The following HIVEP1 variants were observed in gnomAD, a reference collection of about 807,000 sequenced individuals.
HIVEP1 encodes the protein zinc finger protein 40.
HIVEP1 carries 36 observed loss-of-function variants against 180.0 expected under a neutral mutation model. That is an observed-to-expected ratio of 0.20 (90% CI 0.15 to 0.26). The LOEUF (loss-of-function observed/expected upper bound fraction) is 0.26. HIVEP1 is among the 10% of genes least tolerant of loss of function. HIVEP1 has a pLI of 1.00. For missense variants in HIVEP1, 3,143 were observed against 3,268.7 expected (o/e 0.96, Z 0.94); for synonymous variants, 1,239 against 1,239.0 (o/e 1.00, Z 0.00).
At chr6:12,200,231 A>C in the HIVEP1 span, among the ~76,000 whole-genome samples, 4 of 152,120 alleles carry the variant, frequency 2.6e-5, no homozygotes, top group South Asian at 2.1e-4. Context: ...AACACCTGGG[A>C]GTTACTTCCC....
intron 2 of HIVEP1, among the ~76,000 whole-genome samples, chr6:12,031,889 C>A (rs963714401): frequency 2.0e-5 from 3 of 152,100 alleles, no homozygotes; most frequent in Admixed American, 6.5e-5. Context: ...TCCTGTGGAC[C>A]GTGAATGTGG....
chr6:12,052,528 A>G (rs941022286), intron 2 of HIVEP1, among the ~76,000 whole-genome samples: 4 of 152,226 alleles, frequency 2.6e-5, no homozygotes, highest in Non-Finnish European at 5.9e-5. Flanking sequence ...GCTAACATAC[A>G]TTGAGTATCT....
the HIVEP1 span, among the ~76,000 whole-genome samples, chr6:12,184,014 T>TAGAC: frequency 3.2e-4 from 45 of 139,758 alleles, 1 homozygote; most frequent in South Asian, 8.7e-4. Context: ...GATAGATAGA[T>TAGAC]AGATAGATAG....
At chr6:12,067,356 T>A (rs1466989955) in intron 2 of HIVEP1, among the ~76,000 whole-genome samples, 1 of 152,226 alleles carries the variant, frequency 6.6e-6, no homozygotes, top group Non-Finnish European at 1.5e-5. Context: ...TTTAATCTAT[T>A]TCTGTGAAAC....
At position 12,066,342 on chromosome 6, in the gene HIVEP1, A is replaced by G. The variant is rs552918949; in HGVS notation, c.41-22842A>G. 2.0e-5 allele frequency among the ~76,000 whole-genome samples: 3 copies of G among 152,358 alleles called. 1 individual carries two copies. Among genetic ancestry groups the G allele is most frequent in the African/African-American group, 7.2e-5 (3 of 41,584 alleles). ...ACCATCCCTCTTGTGCTACCACATA[A>G]TAACTGAAAAGAGCTTTAAGTCTTA... On this transcript the variant is annotated intron_variant, in intron 2 of 8. Transcript: ENST00000379388.
At chr6:12,011,773 T>G (rs1165810103), upstream of HIVEP1, among the ~76,000 whole-genome samples, 1 of 147,316 alleles carries the variant, frequency 6.8e-6, no homozygotes, top group Non-Finnish European at 1.5e-5. Flanking sequence ...CTACACCCGG[T>G]CAGAGCTGGC....
intron 2 of HIVEP1, among the ~76,000 whole-genome samples, chr6:12,060,167 T>C (rs1284218315): frequency 6.6e-6 from 1 of 152,236 alleles, no homozygotes; most frequent in Non-Finnish European, 1.5e-5. Context: ...AATTTGATAC[T>C]TTGGTGCATC....
At chr6:12,091,240 A>G (rs901816406) in intron 3 of HIVEP1, among the ~76,000 whole-genome samples, 1 of 152,138 alleles carries the variant, frequency 6.6e-6, no homozygotes, top group Non-Finnish European at 1.5e-5. Flanking sequence ...AAAAATATAG[A>G]CGTTCATTTT....
At chr6:12,097,018 G>C (rs185733736) in intron 3 of HIVEP1, among the ~76,000 whole-genome samples, 66 of 152,150 alleles carry the variant, frequency 4.3e-4, no homozygotes, top group African/African-American at 1.6e-3. Flanking sequence ...TATGGCTAGA[G>C]GAAAGGCTAG....
At chr6:12,078,719 C>CACACACACACACACACACACATATAT (rs758199591) in intron 2 of HIVEP1, among the ~76,000 whole-genome samples, 2 of 146,356 alleles carry the variant, frequency 1.4e-5, no homozygotes, top group African/African-American at 2.5e-5. Context: ...CACACACACA[C>CACACACACACACACACACACATATAT]ATATATATAT....
Position 12,040,189 on chromosome 6 carries a change from C to T in HIVEP1, c.40+24521C>T, listed in dbSNP as rs147264045. Among the ~76,000 whole-genome samples the T allele has an allele frequency of 5.3e-5, 8 of 152,270 alleles. No individual in the cohort carries two copies. The East Asian group carries it at 1.5e-3, about 29-fold the overall frequency. On this transcript the variant is annotated intron_variant, in intron 2 of 8. Transcript: ENST00000379388. Reference sequence around the variant, plus strand: ...GGCTTTTATCAAAGTCCTGAAAGGTCTTTTGATCCAGGAGTTAAGAAACAC... The same window carrying T: ...GGCTTTTATCAAAGTCCTGAAAGGTTTTTTGATCCAGGAGTTAAGAAACAC...
intron 2 of HIVEP1, 96 bp downstream of exon 2, chr6:12,015,764 C>A: frequency 8.9e-7 from 1 of 1,119,380 alleles, no homozygotes; most frequent in South Asian, 1.3e-5. Context: ...AGATGTTGAC[C>A]CTGCCTGGTG....
At chr6:12,076,154 A>G (rs1382658344) in intron 2 of HIVEP1, among the ~76,000 whole-genome samples, 2 of 152,164 alleles carry the variant, frequency 1.3e-5, no homozygotes, top group African/African-American at 4.8e-5. Context: ...ATATAGAAAT[A>G]TGCTTCATTA....
At chr6:12,168,109 GTA>G (rs1760788243), downstream of HIVEP1, among the ~76,000 whole-genome samples, 2 of 7,460 alleles carry the variant, frequency 2.7e-4, no homozygotes, top group Non-Finnish European at 7.6e-4. Context: ...ACGTATATAT[GTA>G]TATTATATAT....
At chr6:12,031,252 G>A (rs1768922692) in intron 2 of HIVEP1, among the ~76,000 whole-genome samples, 2 of 152,154 alleles carry the variant, frequency 1.3e-5, no homozygotes, top group African/African-American at 4.8e-5. Context: ...ACCCTCTTAT[G>A]TCTTCTTTGT....
intron 2 of HIVEP1, among the ~76,000 whole-genome samples, chr6:12,030,313 T>C (rs1768856818): frequency 6.6e-6 from 1 of 152,206 alleles, no homozygotes; most frequent in African/African-American, 2.4e-5. Context: ...TTCTTGGATA[T>C]GTAGATCAGT....
intron 2 of HIVEP1, among the ~76,000 whole-genome samples, chr6:12,079,248 A>G (rs1772605691): frequency 1.3e-5 from 2 of 152,190 alleles, no homozygotes; most frequent in Non-Finnish European, 2.9e-5. Flanking sequence ...CTTTATAACA[A>G]TAGTTTATAT....
intron 4 of HIVEP1, among the ~76,000 whole-genome samples, chr6:12,127,775 C>T (rs1328655423): frequency 6.6e-6 from 1 of 152,146 alleles, no homozygotes; most frequent in Non-Finnish European, 1.5e-5. Flanking sequence ...TAAGAATGAG[C>T]AGAAAGTGGC....
the HIVEP1 span, among the ~76,000 whole-genome samples, chr6:12,188,453 G>GT: frequency 1.3e-5 from 2 of 152,104 alleles, no homozygotes; most frequent in Admixed American, 1.3e-4. Context: ...AAAGAGAAAT[G>GT]AAAAGTAGGA....
Sources: allele counts gnomAD v4.1 joint callset (sites outside exome capture counted in the v4.1 genomes callset), GRCh38; gene constraint gnomAD v4.1.1; transcripts MANE v1.5; gene names NCBI Gene and HGNC (gene_info 2026-07-23, HGNC 2026-07-21).